The following LEFTY1 variants were observed in gnomAD, a reference collection of about 807,000 sequenced individuals.
LEFTY1 encodes the protein left-right determination factor 1.
Under a neutral mutation model 22.6 loss-of-function variants are expected in LEFTY1, and 18 were observed. The observed-to-expected ratio is 0.80, with a 90% CI of 0.55 to 1.18. The LOEUF is 1.18. LEFTY1 is among the 50% of genes most tolerant of loss of function. The probability of loss-of-function intolerance (pLI) is 0.00; values close to 1 mark genes in which losing one functional copy is unlikely to be tolerated. For missense variants in LEFTY1, 414 were observed against 495.4 expected (o/e 0.84, Z 1.56); for synonymous variants, 201 against 231.5 (o/e 0.87, Z 1.20).
chr1:225,887,088 G>C lies in LEFTY1; in HGVS notation c.740C>G (p.Ala247Gly), dbSNP rs1412385165. The change falls in exon 4 of 4, where the codon GCT becomes GGT. Residue 247 changes from alanine (A) to glycine (G), a missense_variant and splice_region_variant. This residue lies in a region of LEFTY1 where 398 missense variants were observed against 454.7 expected (regional missense o/e 0.88). Transcript: ENST00000272134. The part of the protein sequence containing the change: ...LHTLDLGDYG[A>G]QGDCDPEAPM... The stretch of plus-strand genomic sequence containing the variant: ...TGCTTCAGGGTCACAGTCGCCCTGA[G>C]CTCTGTGTGGGCAAAGAGAGCAGGG... The C allele has an allele frequency of 5.0e-6, 8 of 1,599,960 alleles. No individual in the cohort carries two copies. Among genetic ancestry groups the C allele is most frequent in the Non-Finnish European group, 6.8e-6 (8 of 1,173,872 alleles).
Position 225,888,844 on chromosome 1 carries a change from C to T in LEFTY1, c.223G>A (p.Gly75Arg), listed in dbSNP as rs146054726. ...LQRSHGDRSR[G>R]KRFSQSFREV... The stretch of plus-strand genomic sequence containing the variant: ...CGGAAGCTCTGGCTGAACCTCTTTC[C>T]GCGGGAGCGGTCCCCGTGGCTGCGC... Residue 75 changes from glycine to arginine, a missense_variant, in exon 1 of 4, where the codon GGA (glycine) becomes AGA (arginine). By Grantham distance (125) the Gly-to-Arg change is moderately radical. Coordinates refer to ENST00000272134, the MANE Select transcript of LEFTY1 (RefSeq NM_020997.4). 14 of 1,613,118 alleles carry T rather than the reference C, an allele frequency of 8.7e-6. No homozygotes were observed. In the African/African-American group the frequency reaches 1.6e-4, roughly 18 times the overall value.
At position 225,887,083 on chromosome 1, in the gene LEFTY1, C is replaced by T. The variant is rs1430285059; in HGVS notation, c.745G>A (p.Gly249Ser). 6.2e-7 allele frequency: 1 copy of T among 1,601,160 alleles called. No individual in the cohort carries two copies. Among genetic ancestry groups the T allele is most frequent in the Non-Finnish European group, 8.5e-7 (1 of 1,174,164 alleles). ...ATTGGTGCTTCAGGGTCACAGTCGC[C>T]CTGAGCTCTGTGTGGGCAAAGAGAG... ...TLDLGDYGAQ[G>S]DCDPEAPMTE... The change falls in exon 4 of 4, where the codon GGC (glycine) becomes AGC (serine). Residue 249 changes from glycine (G) to serine (S), a missense_variant. Gly to Ser is a moderately conservative substitution (Grantham distance 56). Around this residue, in one of 2 missense-constraint regions of LEFTY1, gnomAD observed 398 missense variants for 454.7 expected, o/e 0.88. Coordinates refer to ENST00000272134, the MANE Select transcript of LEFTY1 (RefSeq NM_020997.4).
At position 225,889,005 on chromosome 1, in the gene LEFTY1, G is replaced by A. The variant is rs749419688; in HGVS notation, c.62C>T (p.Ala21Val). Reference sequence around the variant, plus strand: ...GCCCAGGAGCTGCTCCCCGGTCAGGGCGGCCCCGGGGCTGGCCAGGGGCAA... The same window carrying A: ...GCCCAGGAGCTGCTCCCCGGTCAGGACGGCCCCGGGGCTGGCCAGGGGCAA... ...WVLPLASPGAALTGEQLLGSL... is the reference protein window; with the variant it reads ...WVLPLASPGAVLTGEQLLGSL... The change falls in exon 1 of 4, where the codon GCC becomes GTC. Residue 21 changes from alanine (A) to valine (V), a missense_variant. Transcript: ENST00000272134. 1.9e-6 allele frequency: 3 copies of A among 1,545,588 alleles called. No homozygotes were observed. The South Asian group carries it at 3.7e-5, about 19-fold the overall frequency.
In LEFTY1 at chr1:225,887,560, C is replaced by T. The variant is rs1671309595; in HGVS notation, c.576G>A (p.Arg192=). Residue 192 remains arginine, a synonymous_variant, in exon 3 of 4, where the codon CGG becomes CGA. Transcript: ENST00000272134. The part of the protein sequence containing the change: ...EAVNFWQQLS[R]PRQPLLLQVS... ...CCTGTAGCAGCAGCGGCTGCCGGGG[C>T]CGGCTCAGCTGCTGCCAGAAGTTCA... The T allele has an allele frequency of 1.2e-6, 2 of 1,610,882 alleles. No individual in the cohort carries two copies. Among genetic ancestry groups the T allele is most frequent in the South Asian group, 2.2e-5 (2 of 91,046 alleles).
At position 225,888,969 on chromosome 1, in the gene LEFTY1, CGCAGCAGGCTGCCCAGGAGCTG is replaced by C. The variant is rs1671343348; in HGVS notation, c.76_97del (p.Gln26GlyfsTer25). 2.5e-6 allele frequency: 4 copies of C among 1,601,542 alleles called. No homozygotes were observed. Among genetic ancestry groups the C allele is most frequent in the African/African-American group, 2.7e-5 (2 of 74,726 alleles). On this transcript the variant is annotated frameshift_variant, in exon 1 of 4. Coordinates refer to ENST00000272134, the MANE Select transcript of LEFTY1 (RefSeq NM_020997.4). LOFTEE classifies it high-confidence loss of function. Reference sequence around the variant, plus strand: ...GGGCACCTCTTTGAGCTGCAGCTGCCGCAGCAGGCTGCCCAGGAGCTGCTCCCCGGTCAGGGCGGCCCCGGGG... The same window carrying C: ...GGGCACCTCTTTGAGCTGCAGCTGCCCTCCCCGGTCAGGGCGGCCCCGGGG...
Position 225,887,598 on chromosome 1 carries a change from C to T in LEFTY1, c.538G>A (p.Val180Met). The change falls in exon 3 of 4, where the codon GTG becomes ATG. Residue 180 changes from valine (V) to methionine (M), a missense_variant. By Grantham distance (21) the Val-to-Met change is conservative. This residue lies in a region of LEFTY1 where 398 missense variants were observed against 454.7 expected (regional missense o/e 0.88). Coordinates refer to ENST00000272134, the MANE Select transcript of LEFTY1 (RefSeq NM_020997.4). ...VHESGWKAFD[V>M]TEAVNFWQQL... ...TGCCAGAAGTTCACGGCCTCGGTCA[C>T]GTCGAAGGCCTTCCAGCCGCTCTCG... 1 of 1,611,826 alleles carries T rather than the reference C, an allele frequency of 6.2e-7. No individual in the cohort carries two copies. Among genetic ancestry groups the T allele is most frequent in the Non-Finnish European group, 8.5e-7 (1 of 1,179,668 alleles).
Position 225,886,781 on chromosome 1 carries a change from C to G in LEFTY1, c.1047G>C (p.Gln349His), listed in dbSNP as rs1411190322. Residue 349 changes from glutamine to histidine, a missense_variant, in exon 4 of 4, where the codon CAG (glutamine) becomes CAC (histidine). Gln to His is a conservative substitution (Grantham distance 24). This residue lies in a region of LEFTY1 where 16 missense variants were observed against 40.7 expected (regional missense o/e 0.39). Transcript: ENST00000272134. ...CACCATCCGAGGCACAGCTGCACTT[C>G]TGCACCCTCATGTTGGGCAGGCTGA... ...QVVSLPNMRVQKCSCASDGAL... is the reference protein window; with the variant it reads ...QVVSLPNMRVHKCSCASDGAL... 6.2e-7 allele frequency: 1 copy of G among 1,613,898 alleles called. No individual in the cohort carries two copies. Among genetic ancestry groups the G allele is most frequent in the South Asian group, 1.1e-5 (1 of 91,082 alleles).
Position 225,886,883 on chromosome 1 carries a change from C to T in LEFTY1, c.945G>A (p.Gln315=), listed in dbSNP as rs529123239. 178 of 1,614,012 alleles carry T rather than the reference C, an allele frequency of 1.1e-4. 1 individual carries two copies. In the South Asian group the frequency reaches 1.8e-3, roughly 17 times the overall value. The part of the protein sequence containing the change: ...AFKWPFLGPR[Q]CIASETDSLP... The stretch of plus-strand genomic sequence containing the variant: ...GCGAGTCAGTCTCCGAGGCGATGCA[C>T]TGTCGAGGCCCCAGAAACGGCCACT... Residue 315 remains glutamine, a synonymous_variant, in exon 4 of 4, where the codon CAG becomes CAA. Coordinates refer to ENST00000272134, the MANE Select transcript of LEFTY1 (RefSeq NM_020997.4).
rs1443931514 is a variant in LEFTY1 at position 225,887,622 on chromosome 1, C to T, written c.514G>A (p.Glu172Lys). 2 of 1,612,298 alleles carry T rather than the reference C, an allele frequency of 1.2e-6. No homozygotes were observed. Among genetic ancestry groups the T allele is most frequent in the Non-Finnish European group, 1.7e-6 (2 of 1,179,778 alleles). Residue 172 changes from glutamate to lysine, a missense_variant, in exon 3 of 4, where the codon GAG becomes AAG. Around this residue, in one of 2 missense-constraint regions of LEFTY1, gnomAD observed 398 missense variants for 454.7 expected, o/e 0.88. Transcript: ENST00000272134. ...ACGTCGAAGGCCTTCCAGCCGCTCTCGTGGACGGACACCAGCCTGAGACAT... is the reference window on the plus strand; with the variant it reads ...ACGTCGAAGGCCTTCCAGCCGCTCTTGTGGACGGACACCAGCCTGAGACAT... ...LIDSRLVSVH[E>K]SGWKAFDVTE...
Position 225,886,776 on chromosome 1 carries a change from C to T in LEFTY1, c.1052G>A (p.Cys351Tyr). The change falls in exon 4 of 4, where the codon TGC (cysteine) becomes TAC (tyrosine). Residue 351 changes from cysteine to tyrosine, a missense_variant. This residue lies in a region of LEFTY1 where 16 missense variants were observed against 40.7 expected (regional missense o/e 0.39). Coordinates refer to ENST00000272134, the MANE Select transcript of LEFTY1 (RefSeq NM_020997.4). ...GAGCGCACCATCCGAGGCACAGCTG[C>T]ACTTCTGCACCCTCATGTTGGGCAG... ...VSLPNMRVQK[C>Y]SCASDGALVP... 2 of 1,613,882 alleles carry T rather than the reference C, an allele frequency of 1.2e-6. No individual in the cohort carries two copies. Among genetic ancestry groups the T allele is most frequent in the Non-Finnish European group, 8.5e-7 (1 of 1,180,044 alleles).
At position 225,888,949 on chromosome 1, in the gene LEFTY1, C is replaced by T. The variant is rs1400594007; in HGVS notation, c.118G>A (p.Val40Met). The T allele has an allele frequency of 2.5e-6, 4 of 1,609,418 alleles. No individual in the cohort carries two copies. The African/African-American group carries it at 4.0e-5, about 16-fold the overall frequency. ...ATGTCGGCCCTGTCCAGGGTGGGCA[C>T]CTCTTTGAGCTGCAGCTGCCGCAGC... ...SLLRQLQLKE[V>M]PTLDRADMEE... Residue 40 changes from valine to methionine, a missense_variant, in exon 1 of 4, where the codon GTG (valine) becomes ATG (methionine). Transcript: ENST00000272134.
intron 1 of LEFTY1, among the ~76,000 whole-genome samples, chr1:225,888,483 T>C (rs1225453447): frequency 6.6e-6 from 1 of 152,218 alleles, no homozygotes; most frequent in Admixed American, 6.5e-5. Context: ...CATTTTGATG[T>C]TCACAATGCT....
chr1:225,887,693 C>T (rs919245352), intron 2 of LEFTY1, 55 bp from the exon 3 acceptor site: 2 of 1,604,056 alleles, frequency 1.2e-6, no homozygotes, highest in African/African-American at 2.7e-5. Flanking sequence ...TGGGACGGGC[C>T]CCGAGGACCC....
chr1:225,887,250 A>G, intron 3 of LEFTY1, 149 bp downstream of exon 3: 3 of 1,487,288 alleles, frequency 2.0e-6, no homozygotes. Flanking sequence ...AATAACCGAT[A>G]TTTACTGAGG....
chr1:225,887,354 C>T (rs1190359528), intron 3 of LEFTY1, 45 bp downstream of exon 3: 7 of 1,608,726 alleles, frequency 4.4e-6, no homozygotes, highest in Non-Finnish European at 5.9e-6. Flanking sequence ...AATGTAATTG[C>T]CTGTCTCTTT....
At chr1:225,887,231 TTGAAAA>T in intron 3 of LEFTY1, 141 bp from the exon 4 acceptor site, 1 of 1,472,356 alleles carries the variant, frequency 6.8e-7, no homozygotes, top group Non-Finnish European at 9.0e-7. Flanking sequence ...TAGAAATAAC[TTGAAAA>T]TTAATAACCG....
Position 225,888,967 on chromosome 1 carries a change from G to A in LEFTY1, c.100C>T (p.Gln34Ter). The A allele has an allele frequency of 6.2e-7, 1 of 1,602,262 alleles. No homozygotes were observed. The highest frequency in any genetic ancestry group is 8.5e-7 in the Non-Finnish European group (1 of 1,174,846). The change falls in exon 1 of 4, where the codon CAG becomes TAG. Residue 34 changes from glutamine to a stop codon, truncating the protein, a stop_gained. Transcript: ENST00000272134. LOFTEE classifies it high-confidence loss of function. Reference protein sequence around the residue: ...GEQLLGSLLRQLQLKEVPTLD... With the variant: ...GEQLLGSLLR The stretch of plus-strand genomic sequence containing the variant: ...GTGGGCACCTCTTTGAGCTGCAGCT[G>A]CCGCAGCAGGCTGCCCAGGAGCTGC...
In LEFTY1 at chr1:225,887,042, G is replaced by T; in HGVS notation, c.786C>A (p.Arg262=). The change falls in exon 4 of 4, where the codon CGC becomes CGA. Residue 262 remains arginine, a synonymous_variant. Transcript: ENST00000272134. ...DPEAPMTEGT[R]CCRQEMYIDL... ...CAATGTACATCTCCTGGCGGCAGCA[G>T]CGGGTGCCCTCGGTCATTGGTGCTT... The T allele has an allele frequency of 6.3e-7, 1 of 1,599,456 alleles. No individual in the cohort carries two copies. The highest frequency in any genetic ancestry group is 8.5e-7 in the Non-Finnish European group (1 of 1,172,116).
rs771477874 is a variant in LEFTY1 at position 225,887,628 on chromosome 1, C to T, written c.508G>A (p.Val170Ile). 1.2e-6 allele frequency: 2 copies of T among 1,612,286 alleles called. No individual in the cohort carries two copies. Among genetic ancestry groups the T allele is most frequent in the Admixed American group, 1.7e-5 (1 of 60,024 alleles). ...AAGGCCTTCCAGCCGCTCTCGTGGA[C>T]GGACACCAGCCTGAGACATGACACA... is the stretch of plus-strand genomic sequence containing the variant. Reference protein sequence around the residue: ...TSLIDSRLVSVHESGWKAFDV... With the variant: ...TSLIDSRLVSIHESGWKAFDV... The change falls in exon 3 of 4, where the codon GTC (valine) becomes ATC (isoleucine). Residue 170 changes from valine (V) to isoleucine (I), a missense_variant. Val to Ile is a conservative substitution (Grantham distance 29). Coordinates refer to ENST00000272134, the MANE Select transcript of LEFTY1 (RefSeq NM_020997.4).
Sources: allele counts gnomAD v4.1 joint callset (sites outside exome capture counted in the v4.1 genomes callset), GRCh38; gene constraint gnomAD v4.1.1; regional missense constraint gnomAD v4.1.1; transcripts MANE v1.5; gene names NCBI Gene and HGNC (gene_info 2026-07-23, HGNC 2026-07-21).